ERLIN1: variants seen among roughly 807,000 people sequenced by gnomAD.
The protein encoded by ERLIN1 is erlin-1.
ERLIN1 carries 24 observed loss-of-function variants against 46.9 expected under a neutral mutation model. That is an observed-to-expected ratio of 0.51 (90% confidence interval 0.37 to 0.72). The LOEUF is 0.72. Ranked by LOEUF, ERLIN1 falls within the 30% of genes least tolerant of loss-of-function variation. The probability of loss-of-function intolerance (pLI) is 0.00; values close to 1 mark genes in which losing one functional copy is unlikely to be tolerated. For missense variants in ERLIN1, 293 were observed against 417.9 expected (o/e 0.70, Z 2.61); for synonymous variants, 158 against 143.2 (o/e 1.10, Z -0.74).
chr10:100,152,759 G>C (rs982103981), intron 10 of ERLIN1, among the ~76,000 whole-genome samples: 1 of 152,068 alleles, frequency 6.6e-6, no homozygotes, highest in African/African-American at 2.4e-5. Flanking sequence ...TGGGGTCTAT[G>C]TTGCCAGGCT....
At chr10:100,153,912 A>C (rs148662197) in intron 10 of ERLIN1, among the ~76,000 whole-genome samples, 356 of 152,204 alleles carry the variant, frequency 2.3e-3, no homozygotes, top group African/African-American at 8.4e-3. Context: ...TTCATTTTAA[A>C]ATTTATATTG....
intron 4 of ERLIN1, among the ~76,000 whole-genome samples, chr10:100,176,303 CAG>C (rs1056394901): frequency 5.3e-5 from 8 of 152,144 alleles, no homozygotes; most frequent in Non-Finnish European, 1.0e-4. Context: ...GCCCATCAAA[CAG>C]GGGCTAACTT....
chr10:100,152,243 C>A lies in ERLIN1; in HGVS notation c.935G>T (p.Cys312Phe), dbSNP rs1237695770. ...NIPNMFVDSS[C>F]ALKYSDIRTG... ...CCTAATATCTGAATATTTCAAAGCA[C>A]ATGAGGAGTCCACGAACATGTTAGG... is the stretch of plus-strand genomic sequence containing the variant. The change falls in exon 11 of 11, where the codon TGT (cysteine) becomes TTT (phenylalanine). Residue 312 changes from cysteine to phenylalanine, a missense_variant. Cys to Phe is a radical substitution (Grantham distance 205). Around this residue, in one of 3 missense-constraint regions of ERLIN1, gnomAD observed 69 missense variants for 74.5 expected, o/e 0.93. Coordinates refer to ENST00000421367, the MANE Select transcript of ERLIN1 (RefSeq NM_006459.4). The A allele has an allele frequency of 6.2e-7, 1 of 1,611,712 alleles. No individual in the cohort carries two copies. The highest frequency in any genetic ancestry group is 1.3e-5 in the African/African-American group (1 of 74,898).
chr10:100,158,319 GAAGA>G (rs1172691741), intron 8 of ERLIN1, among the ~76,000 whole-genome samples: 2 of 152,134 alleles, frequency 1.3e-5, no homozygotes, highest in Non-Finnish European at 2.9e-5. Flanking sequence ...AGCAAAAAGA[GAAGA>G]AAGGCTGATT....
chr10:100,183,404 TA>T (rs1844774510), intron 2 of ERLIN1, among the ~76,000 whole-genome samples: 1 of 152,202 alleles, frequency 6.6e-6, no homozygotes, highest in South Asian at 2.1e-4. Context: ...CTATGGAAAC[TA>T]AACACTGTTC....
rs906754761 is a variant in ERLIN1, at chr10:100,185,610, G to A, written c.17C>T (p.Ala6Val). ...CACCACTGCAGCCACCAGAACCCGG[G>A]CTTGAGTCATATTCATTCTCGTTCC... MNMTQ[A>V]RVLVAAVVGL... The change falls in exon 1 of 11, where the codon GCC becomes GTC. Residue 6 changes from alanine (A) to valine (V), a missense_variant. This residue lies in a region of ERLIN1 where 76 missense variants were observed against 77.0 expected (regional missense o/e 0.99). Coordinates refer to ENST00000421367, the MANE Select transcript of ERLIN1 (RefSeq NM_006459.4). 1.2e-6 allele frequency: 2 copies of A among 1,613,872 alleles called. No individual in the cohort carries two copies. The highest frequency in any genetic ancestry group is 2.7e-5 in the African/African-American group (2 of 74,942).
chr10:100,175,426 A>C (rs1844236685), intron 5 of ERLIN1, among the ~76,000 whole-genome samples: 1 of 152,186 alleles, frequency 6.6e-6, no homozygotes, highest in Non-Finnish European at 1.5e-5. Flanking sequence ...GAGCTTCCCT[A>C]GTAGACAACA....
At chr10:100,171,892 C>A (rs17112701) in intron 6 of ERLIN1, among the ~76,000 whole-genome samples, 2,324 of 152,272 alleles carry the variant, frequency 0.015, 32 homozygotes, top group Middle Eastern at 0.044. Context: ...CTTGCATCTG[C>A]TAATTATTTG....
chr10:100,177,278 T>C (rs940380561), intron 4 of ERLIN1, among the ~76,000 whole-genome samples: 1 of 152,154 alleles, frequency 6.6e-6, no homozygotes, highest in African/African-American at 2.4e-5. Context: ...TCATAATCCA[T>C]TCCAGTGATT....
chr10:100,181,444 G>A (rs899405957), intron 2 of ERLIN1, among the ~76,000 whole-genome samples: 1 of 151,052 alleles, frequency 6.6e-6, no homozygotes, highest in African/African-American at 2.4e-5. Context: ...TGTTTATCTG[G>A]ACTATGTCTT....
rs1201502445 is a variant in ERLIN1, at chr10:100,174,484, T to TA, written c.431-204_431-203insT. Among the ~76,000 whole-genome samples the TA allele has an allele frequency of 2.0e-5, 3 of 152,310 alleles. No homozygotes were observed. In the South Asian group the frequency reaches 6.2e-4, roughly 32 times the overall value. ...TAATAAAGAAATTAAGGAACGAAGA[T>TA]GACAAGCAGATAGTCTGTTTATCCA... On this transcript the variant is annotated intron_variant, in intron 5 of 10. Coordinates refer to ENST00000421367, the MANE Select transcript of ERLIN1 (RefSeq NM_006459.4).
At chr10:100,156,280 A>G in intron 8 of ERLIN1, 46 bp from the exon 9 acceptor site, 2 of 1,248,226 alleles carry the variant, frequency 1.6e-6, no homozygotes. Flanking sequence ...CCATTTCTAC[A>G]GTACCTGAGG....
chr10:100,155,725 G>C (rs930952529), intron 9 of ERLIN1, among the ~76,000 whole-genome samples: 2 of 151,918 alleles, frequency 1.3e-5, no homozygotes, highest in Non-Finnish European at 2.9e-5. Context: ...CGTTTTAGCC[G>C]GGATGGTCTC....
At chr10:100,185,048 G>C (rs1448496443) in intron 1 of ERLIN1, among the ~76,000 whole-genome samples, 3 of 151,884 alleles carry the variant, frequency 2.0e-5, no homozygotes, top group Non-Finnish European at 2.9e-5. Flanking sequence ...TGTCCCTGGA[G>C]GTCCAGGGAC....
chr10:100,155,119 T>C (rs183208069), intron 9 of ERLIN1, among the ~76,000 whole-genome samples, 180 bp from the exon 10 acceptor site: 235 of 152,332 alleles, frequency 1.5e-3, no homozygotes, highest in African/African-American at 5.5e-3. Context: ...CTTTTCACTG[T>C]CAAATAACTC....
chr10:100,154,055 TC>T (rs1236574784), intron 10 of ERLIN1, among the ~76,000 whole-genome samples: 3 of 152,218 alleles, frequency 2.0e-5, no homozygotes, highest in Admixed American at 2.0e-4. Flanking sequence ...AACTGCATCA[TC>T]CACTTTAGTA....
intron 7 of ERLIN1, among the ~76,000 whole-genome samples, chr10:100,165,533 C>T (rs935630842): frequency 1.3e-5 from 2 of 151,518 alleles, no homozygotes; most frequent in African/African-American, 4.9e-5. Flanking sequence ...ACTACAGGCG[C>T]CCACCACCAT....
intron 2 of ERLIN1, among the ~76,000 whole-genome samples, chr10:100,179,503 C>T (rs1844510436): frequency 6.6e-6 from 1 of 151,404 alleles, no homozygotes; most frequent in African/African-American, 2.4e-5. Context: ...GTCACCCAGG[C>T]TGGAATGCAG....
intron 6 of ERLIN1, 25 bp from the exon 7 acceptor site, chr10:100,167,431 A>G: frequency 1.9e-6 from 3 of 1,587,844 alleles, no homozygotes; most frequent in South Asian, 2.2e-5. Flanking sequence ...TGAAAAAGCC[A>G]AAGTATATTT....
Sources: allele counts gnomAD v4.1 joint callset (sites outside exome capture counted in the v4.1 genomes callset), GRCh38; gene constraint gnomAD v4.1.1; regional missense constraint gnomAD v4.1.1; transcripts MANE v1.5; gene names NCBI Gene and HGNC (gene_info 2026-07-23, HGNC 2026-07-21).